Variants in CMKLR2 observed in about 807,000 individuals in gnomAD.
The protein encoded by CMKLR2 is chemerin-like receptor 2.
CMKLR2 carries 18 observed loss-of-function variants against 23.0 expected under a neutral mutation model. That is an observed-to-expected ratio of 0.78 (90% CI 0.54 to 1.16). The LOEUF is 1.16. Ranked by LOEUF, CMKLR2 falls within the 50% of genes most tolerant of loss-of-function variation. CMKLR2 has a pLI of 0.00. For synonymous variants in CMKLR2, 158 were observed against 158.9 expected (o/e 0.99, Z 0.05); for missense variants, 401 against 412.7 (o/e 0.97, Z 0.25).
chr2:206,207,670 C>G (rs1181218807), intron 1 of CMKLR2, among the ~76,000 whole-genome samples: 1 of 139,220 alleles, frequency 7.2e-6, no homozygotes, highest in Non-Finnish European at 1.5e-5. Flanking sequence ...AGAGCTTTGG[C>G]ACTTAGCAAA....
At chr2:206,188,903 A>G (rs1006075791) in intron 1 of CMKLR2, among the ~76,000 whole-genome samples, 6 of 152,228 alleles carry the variant, frequency 3.9e-5, no homozygotes, top group Non-Finnish European at 7.3e-5. Context: ...TAAACAGTCT[A>G]TAAAATCCAG....
chr2:206,179,055 CTTTTTTTTTTTTTTTTTTTTTT>C (rs71034421), intron 1 of CMKLR2, among the ~76,000 whole-genome samples: 6 of 49,316 alleles, frequency 1.2e-4, no homozygotes, highest in African/African-American at 1.9e-4. Flanking sequence ...CTCCCTGTCC[CTTTTTTTTTTTTTTTTTTTTTT>C]TTTTTTTTTT....
At position 206,176,354 on chromosome 2, in the gene CMKLR2, G is replaced by A. The variant is rs1688210277; in HGVS notation, c.894C>T (p.Cys298=). The part of the protein sequence containing the change: ...LSTGLAFLNS[C]LNPILYVLIS... Reference sequence around the variant, plus strand: ...TTAGGACATAAAGGATGGGGTTCAAGCAACTATTGAGGAATGCCAAACCAG... The same window carrying A: ...TTAGGACATAAAGGATGGGGTTCAAACAACTATTGAGGAATGCCAAACCAG... The change falls in exon 2 of 2, where the codon TGC becomes TGT. Residue 298 remains cysteine (C), a synonymous_variant. Coordinates refer to ENST00000621141, the MANE Select transcript of CMKLR2 (RefSeq NM_001389445.1). 1 of 1,614,172 alleles carries A rather than the reference G, an allele frequency of 6.2e-7. No individual in the cohort carries two copies. Among genetic ancestry groups the A allele is most frequent in the Non-Finnish European group, 8.5e-7 (1 of 1,180,032 alleles).
chr2:206,181,107 G>T (rs1208777549), intron 1 of CMKLR2, among the ~76,000 whole-genome samples: 1 of 151,962 alleles, frequency 6.6e-6, no homozygotes, highest in African/African-American at 2.4e-5. Flanking sequence ...GCCCAGGCTG[G>T]AGTGCAGTGG....
intron 1 of CMKLR2, among the ~76,000 whole-genome samples, chr2:206,182,233 T>C (rs1047785496): frequency 6.6e-6 from 1 of 152,122 alleles, no homozygotes; most frequent in African/African-American, 2.4e-5. Flanking sequence ...CTGAAGCTTA[T>C]AGAAGCTTAG....
At chr2:206,217,057 T>C (rs1370222944), upstream of CMKLR2, among the ~76,000 whole-genome samples, 1 of 152,244 alleles carries the variant, frequency 6.6e-6, no homozygotes, top group Non-Finnish European at 1.5e-5. Context: ...ATATTAATTT[T>C]TGTCAGTGAT....
rs969658516 is a variant in CMKLR2 at position 206,175,499 on chromosome 2, T to G, written c.*681A>C. 2.6e-5 allele frequency: 4 copies of G among 152,184 alleles called. No homozygotes were observed. Among genetic ancestry groups the G allele is most frequent in the Non-Finnish European group, 4.4e-5 (3 of 68,044 alleles). The allele number at this position is 152,184 out of a possible 1,614,324, so 9.4% of individuals were successfully genotyped here. ...TTAATCATATATTTATTTATCTATTTTATTTATTTATTTTTGAGACAGAGT... is the reference window on the plus strand; with the variant it reads ...TTAATCATATATTTATTTATCTATTGTATTTATTTATTTTTGAGACAGAGT... On this transcript the variant is annotated 3_prime_UTR_variant, in exon 2 of 2. Coordinates refer to ENST00000621141, the MANE Select transcript of CMKLR2 (RefSeq NM_001389445.1).
intron 1 of CMKLR2, among the ~76,000 whole-genome samples, chr2:206,184,605 T>C (rs1038567177): frequency 1.7e-4 from 26 of 152,240 alleles, no homozygotes; most frequent in African/African-American, 6.3e-4. Flanking sequence ...TAGACCCCAT[T>C]TCAAATAAGG....
At chr2:206,195,582 A>G (rs1688894524) in intron 1 of CMKLR2, among the ~76,000 whole-genome samples, 1 of 152,184 alleles carries the variant, frequency 6.6e-6, no homozygotes. Context: ...ACTCTATGAT[A>G]ATGGATATCG....
chr2:206,184,542 G>A (rs757841837), intron 1 of CMKLR2, among the ~76,000 whole-genome samples: 5 of 151,924 alleles, frequency 3.3e-5, no homozygotes, highest in African/African-American at 7.3e-5. Flanking sequence ...TGATCCAGCC[G>A]CCTCGGCCTC....
chr2:206,175,344 T>A lies in CMKLR2; in HGVS notation c.*836A>T, dbSNP rs1688172062. ...TAAGATAACCAACAATTACTTTAAT[T>A]CATAAATGTATATACATAGATTACA... On this transcript the variant is annotated 3_prime_UTR_variant, in exon 2 of 2. Coordinates refer to ENST00000621141, the MANE Select transcript of CMKLR2 (RefSeq NM_001389445.1). 6.6e-6 allele frequency: 1 copy of A among 152,180 alleles called. No individual in the cohort carries two copies. Among genetic ancestry groups the A allele is most frequent in the Non-Finnish European group, 1.5e-5 (1 of 68,038 alleles). The allele number at this position is 152,180 out of a possible 1,614,324, so 9.4% of individuals were successfully genotyped here.
chr2:206,216,474 G>T (rs1046115361), upstream of CMKLR2, among the ~76,000 whole-genome samples: 3 of 151,984 alleles, frequency 2.0e-5, no homozygotes, highest in African/African-American at 7.2e-5. Context: ...TAGAGACAGG[G>T]TCTCACTGTA....
intron 1 of CMKLR2, among the ~76,000 whole-genome samples, chr2:206,208,527 T>C (rs1400558784): frequency 6.6e-6 from 1 of 152,076 alleles, no homozygotes; most frequent in South Asian, 2.1e-4. Context: ...GAGAGAGCCA[T>C]GTTTCAAAAA....
intron 1 of CMKLR2, among the ~76,000 whole-genome samples, chr2:206,206,368 T>C (rs1559097705): frequency 6.6e-6 from 1 of 152,224 alleles, no homozygotes; most frequent in African/African-American, 2.4e-5. Context: ...TTTAATGTTA[T>C]CAATACAGCT....
At chr2:206,207,213 T>A (rs1167248725) in intron 1 of CMKLR2, among the ~76,000 whole-genome samples, 1 of 150,174 alleles carries the variant, frequency 6.7e-6, no homozygotes, top group African/African-American at 2.5e-5. Context: ...TGCAGTGGCA[T>A]GATCTTGGTT....
At chr2:206,192,246 C>G (rs1688773812) in intron 1 of CMKLR2, among the ~76,000 whole-genome samples, 1 of 150,552 alleles carries the variant, frequency 6.6e-6, no homozygotes, top group Non-Finnish European at 1.5e-5. Context: ...TCCCAGTGTA[C>G]TAGGATTGCA....
intron 1 of CMKLR2, among the ~76,000 whole-genome samples, chr2:206,196,654 A>C (rs1688932406): frequency 6.6e-6 from 1 of 152,146 alleles, no homozygotes; most frequent in African/African-American, 2.4e-5. Flanking sequence ...CTCCAGGCCC[A>C]GTGGAGCAGC....
intron 1 of CMKLR2, among the ~76,000 whole-genome samples, chr2:206,191,833 A>G (rs1421394041): frequency 1.4e-5 from 2 of 142,766 alleles, no homozygotes; most frequent in African/African-American, 5.2e-5. Flanking sequence ...ACCATGCCCA[A>G]CTAATTTTTT....
At chr2:206,199,269 A>G (rs1471154707) in intron 1 of CMKLR2, among the ~76,000 whole-genome samples, 2 of 152,160 alleles carry the variant, frequency 1.3e-5, no homozygotes, top group Non-Finnish European at 2.9e-5. Context: ...GTGGTGGCAC[A>G]TGCCTACTAT....
Sources: gnomAD v4.1 joint callset for allele counts (sites outside exome capture counted in the v4.1 genomes callset) on GRCh38, gnomAD v4.1.1 for gene constraint, MANE v1.5 for transcripts, NCBI Gene and HGNC (gene_info 2026-07-23, HGNC 2026-07-21) for gene names.